The following METAP1 variants were observed in gnomAD, a reference collection of about 807,000 sequenced individuals.
The protein encoded by METAP1 is methionine aminopeptidase 1.
Under a neutral mutation model 53.8 loss-of-function variants are expected in METAP1, and 28 were observed. The observed-to-expected ratio is 0.52, with a 90% CI of 0.39 to 0.71. METAP1 has a LOEUF of 0.71. Among genes scored for constraint, METAP1 ranks in the 30% least tolerant of loss-of-function variants. The pLI, the probability that METAP1 is intolerant of heterozygous loss-of-function variation, is 0.00. For missense variants in METAP1, 389 were observed against 479.8 expected, an observed-to-expected ratio of 0.81 and a Z score of 1.77; for synonymous variants, 181 against 165.7, an observed-to-expected ratio of 1.09 and a Z score of -0.71.
In METAP1 at chr4:99,062,240, A is replaced by C. The variant is rs1298616172; in HGVS notation, c.*923A>C. Reference sequence around the variant, plus strand: ...GTGGAGGATGGGGAAAGAGTTCTAAAGTGTCTCCAGCTGTGAACCCAGGAG... The same window carrying C: ...GTGGAGGATGGGGAAAGAGTTCTAACGTGTCTCCAGCTGTGAACCCAGGAG... On this transcript the variant is annotated 3_prime_UTR_variant, in exon 11 of 11. Transcript: ENST00000296411. 6.6e-6 allele frequency: 1 copy of C among 152,196 alleles called. No homozygotes were observed. Among genetic ancestry groups the C allele is most frequent in the East Asian group, 1.9e-4 (1 of 5,184 alleles). The allele number at this position is 152,196 out of a possible 1,614,324, so 9.4% of individuals were successfully genotyped here. A position where few individuals can be genotyped will look rare whatever the true frequency, so the allele number is the denominator to read the frequency against.
intron 1 of METAP1, among the ~76,000 whole-genome samples, chr4:98,996,195 G>A (rs1208843432): frequency 6.6e-6 from 1 of 152,124 alleles, no homozygotes; most frequent in Admixed American, 6.5e-5. Flanking sequence ...TGGGGCGGGG[G>A]CCGCCAGGTG....
intron 1 of METAP1, chr4:99,022,784 A>C (rs903985397): frequency 6.2e-7 from 1 of 1,600,706 alleles, no homozygotes; most frequent in African/African-American, 1.3e-5. Context: ...ACTCTTGGCT[A>C]TGCGCTTGTC....
intron 2 of METAP1, among the ~76,000 whole-genome samples, chr4:99,032,648 A>G (rs927663234): frequency 6.6e-6 from 1 of 152,216 alleles, no homozygotes; most frequent in African/African-American, 2.4e-5. Context: ...ATGCTAGTGC[A>G]AAAAGCCTGC....
intron 1 of METAP1, among the ~76,000 whole-genome samples, chr4:99,000,655 C>CTTTT (rs781035164): frequency 2.6e-4 from 29 of 112,658 alleles, no homozygotes; most frequent in African/African-American, 5.6e-4. Flanking sequence ...GGAAGAAAGT[C>CTTTT]TTTTTTTTTT....
intron 2 of METAP1, among the ~76,000 whole-genome samples, chr4:99,032,305 G>A (rs1445846154): frequency 6.6e-6 from 1 of 151,390 alleles, no homozygotes; most frequent in Non-Finnish European, 1.5e-5. Flanking sequence ...ATGGCTCACT[G>A]CAGCCTTAAC....
Position 99,062,351 on chromosome 4 carries a change from A to G in METAP1, c.*1034A>G, listed in dbSNP as rs1033389476. On this transcript the variant is annotated 3_prime_UTR_variant, in exon 11 of 11. Transcript: ENST00000296411. ...TGTGTACTGTAACCTTGCAGTAGAG[A>G]TGCAGCTGTCCTTCGTGTGTGGAAA... 1 of 152,428 alleles carries G rather than the reference A, an allele frequency of 6.6e-6. No homozygotes were observed. The highest frequency in any genetic ancestry group is 2.4e-5 in the African/African-American group (1 of 41,466). The allele number at this position is 152,428 out of a possible 1,614,324, so 9.4% of individuals were successfully genotyped here. A position where few individuals can be genotyped will look rare whatever the true frequency, so the allele number is the denominator to read the frequency against.
chr4:99,055,749 C>G (rs1285150297), intron 9 of METAP1, among the ~76,000 whole-genome samples: 3 of 152,198 alleles, frequency 2.0e-5, no homozygotes, highest in African/African-American at 7.2e-5. Context: ...GCCAATGCTG[C>G]TGTTCTGGAC....
intron 6 of METAP1, among the ~76,000 whole-genome samples, chr4:99,041,460 A>G (rs1466023095): frequency 6.6e-6 from 1 of 152,140 alleles, no homozygotes; most frequent in Non-Finnish European, 1.5e-5. Flanking sequence ...ATATTCTGAA[A>G]TAAAAAAAAG....
intron 1 of METAP1, among the ~76,000 whole-genome samples, chr4:99,017,071 C>G (rs942234235): frequency 1.3e-5 from 2 of 152,226 alleles, no homozygotes; most frequent in Non-Finnish European, 2.9e-5. Flanking sequence ...CATTGCTGCT[C>G]TTTTGGCTAC....
intron 1 of METAP1, among the ~76,000 whole-genome samples, chr4:99,028,521 A>G (rs1724744595): frequency 6.6e-6 from 1 of 151,736 alleles, no homozygotes; most frequent in Admixed American, 6.6e-5. Context: ...AATCTGCAAA[A>G]ATTTTCTTGC....
intron 10 of METAP1, 150 bp from the exon 11 acceptor site, chr4:99,061,004 T>C (rs1278519804): frequency 2.8e-6 from 2 of 709,948 alleles, no homozygotes; most frequent in African/African-American, 3.6e-5. Context: ...TCAAACATAC[T>C]GAAGACCAAA....
intron 1 of METAP1, chr4:99,026,851 G>A (rs548595472): frequency 2.0e-6 from 2 of 985,284 alleles, no homozygotes; most frequent in African/African-American, 3.5e-5. Flanking sequence ...AGATAAAGAT[G>A]GGTGTCCTTA....
At chr4:99,055,841 C>T (rs1264749520) in intron 9 of METAP1, among the ~76,000 whole-genome samples, 2 of 152,096 alleles carry the variant, frequency 1.3e-5, no homozygotes, top group African/African-American at 2.4e-5. Flanking sequence ...TTGGTTTCTC[C>T]AAGGAAATAC....
chr4:99,022,714 A>T (rs997946876), intron 1 of METAP1: 7 of 1,524,480 alleles, frequency 4.6e-6, no homozygotes, highest in Non-Finnish European at 5.4e-6. Context: ...TCCATAGGTC[A>T]TAATGGGAGG....
chr4:99,007,557 C>G (rs987689860), intron 1 of METAP1, among the ~76,000 whole-genome samples: 1 of 151,584 alleles, frequency 6.6e-6, no homozygotes, highest in Non-Finnish European at 1.5e-5. Context: ...CATTCAATAG[C>G]TGATCTTTTT....
At chr4:98,995,975 T>G in intron 1 of METAP1, 108 bp downstream of exon 1, 47 of 835,042 alleles carry the variant, frequency 5.6e-5, no homozygotes, top group Non-Finnish European at 6.1e-5. Context: ...GCTCCTCCTC[T>G]TCCCCCCGGC....
chr4:99,058,147 G>A (rs1392686188), intron 10 of METAP1, among the ~76,000 whole-genome samples: 1 of 152,146 alleles, frequency 6.6e-6, no homozygotes, highest in Non-Finnish European at 1.5e-5. Context: ...GTAGGAGAGG[G>A]AAGAGGAGGG....
In METAP1 at chr4:99,014,084, C is replaced by T. The variant is rs528362582; in HGVS notation, c.115-14783C>T. Among the ~76,000 whole-genome samples, 30 of 152,272 alleles carry T rather than the reference C, an allele frequency of 2.0e-4. 1 individual carries two copies. The highest frequency in any genetic ancestry group is 5.8e-4 in the East Asian group (3 of 5,180). On this transcript the variant is annotated intron_variant, in intron 1 of 10. Coordinates refer to ENST00000296411, the MANE Select transcript of METAP1 (RefSeq NM_015143.3). ...ACTGATGAGCCTTTGTACAAGCCGT[C>T]GAATACAGGGTATGACACAACATCC...
At position 99,023,314 on chromosome 4, in the gene METAP1, T is replaced by C. The variant is rs776966737; in HGVS notation, c.115-5553T>C. 81 of 687,046 alleles carry C rather than the reference T, an allele frequency of 1.2e-4. No individual in the cohort carries two copies. The African/African-American group carries it at 1.4e-3, about 12-fold the overall frequency. 42.6% of individuals were successfully genotyped at this position (687,046 alleles called of 1,614,324 possible). On this transcript the variant is annotated intron_variant, in intron 1 of 10. Coordinates refer to ENST00000296411, the MANE Select transcript of METAP1 (RefSeq NM_015143.3). ...GCATATGTTTTGCTCGTTTGTCAGATTATTTCCTTTGGTTAACTATTTGGA... is the reference window on the plus strand; with the variant it reads ...GCATATGTTTTGCTCGTTTGTCAGACTATTTCCTTTGGTTAACTATTTGGA...
Sources: allele counts gnomAD v4.1 joint callset (sites outside exome capture counted in the v4.1 genomes callset), GRCh38; gene constraint gnomAD v4.1.1; transcripts MANE v1.5; gene names NCBI Gene and HGNC (gene_info 2026-07-23, HGNC 2026-07-21).